Variants in WDR13 observed in about 807,000 individuals in gnomAD.
WDR13 encodes WD repeat-containing protein 13.
WDR13 carries 1 observed loss-of-function variant against 28.6 expected under a neutral mutation model. The ratio of observed to expected loss-of-function variants is 0.03; its 90% CI spans 0.01 to 0.17. The LOEUF (loss-of-function observed/expected upper bound fraction) is 0.17, where lower values mean the gene tolerates loss of function less well. WDR13 is among the 10% of genes least tolerant of loss of function. WDR13 has a pLI of 1.00. For missense variants in WDR13, 264 were observed against 469.3 expected (o/e 0.56, Z 4.04); for synonymous variants, 201 against 185.9 (o/e 1.08, Z -0.66).
intron 2 of WDR13, 65 bp from the exon 3 acceptor site, chrX:48,598,652 C>CA: frequency 1.1e-6 from 1 of 930,115 alleles, no homozygotes; most frequent in Non-Finnish European, 1.4e-6. Context: ...CCGTACCCCC[C>CA]CCCCCGAGCT....
At chrX:48,598,067 C>T in intron 2 of WDR13, 30 bp downstream of exon 2, 1 of 1,161,979 alleles carries the variant, frequency 8.6e-7, no homozygotes, top group South Asian at 1.9e-5. Flanking sequence ...CCCATGGGAG[C>T]AGAACTTACT....
At chrX:48,604,471 A>G in intron 9 of WDR13, 81 bp downstream of exon 9, 1 of 864,272 alleles carries the variant, frequency 1.2e-6, no homozygotes, top group Non-Finnish European at 1.7e-6. Flanking sequence ...CTCAGACATC[A>G]CGACACCGAT....
At chrX:48,598,505 C>T in intron 2 of WDR13, 1 of 1,051,476 alleles carries the variant, frequency 9.5e-7, no homozygotes. Context: ...ACTCTGTTGT[C>T]TGCAAACTGA....
In WDR13 at chrX:48,600,273, C is replaced by T. The variant is rs782089504; in HGVS notation, c.524-46C>T. On this transcript the variant is annotated intron_variant, in intron 5 of 9. Transcript: ENST00000376729. Reference sequence around the variant, plus strand: ...TCAGAGCCTTTTAGAGAGAAAAGTGCCCAGTGAGTGTGCAGATTCCCACTA... The same window carrying T: ...TCAGAGCCTTTTAGAGAGAAAAGTGTCCAGTGAGTGTGCAGATTCCCACTA... 4.4e-6 allele frequency: 5 copies of T among 1,149,099 alleles called. No individual in the cohort carries two copies. The East Asian group carries it at 1.5e-4, about 34-fold the overall frequency. 94.7% of individuals were successfully genotyped at this position (1,149,099 alleles called of 1,213,427 possible). A position where few individuals can be genotyped will look rare whatever the true frequency, so the allele number is the denominator to read the frequency against.
chrX:48,602,262 T>C, intron 8 of WDR13, 56 bp downstream of exon 8: 1 of 1,132,574 alleles, frequency 8.8e-7, no homozygotes, highest in Non-Finnish European at 1.2e-6. Context: ...TCCAGCACAC[T>C]GGGACAGTAG....
chrX:48,598,918 C>T lies in WDR13; in HGVS notation c.243C>T (p.Ser81=). ...GCAGTGCTCGTGCCTATAGCAACAGCATCGTCCGCAGTAGCCGCACTACTC... is the reference window on the plus strand; with the variant it reads ...GCAGTGCTCGTGCCTATAGCAACAGTATCGTCCGCAGTAGCCGCACTACTC... The part of the protein sequence containing the change: ...EPGSARAYSN[S]IVRSSRTTLD... Residue 81 remains serine, a synonymous_variant, in exon 3 of 10, where the codon AGC becomes AGT. Coordinates refer to ENST00000376729, the MANE Select transcript of WDR13 (RefSeq NM_001347217.2). 8.3e-7 allele frequency: 1 copy of T among 1,209,123 alleles called. No individual in the cohort carries two copies. The highest frequency in any genetic ancestry group is 1.1e-6 in the Non-Finnish European group (1 of 894,519).
rs781931108 is a variant in WDR13, at chrX:48,600,374, C to T, written c.579C>T (p.Leu193=). ...DDRHRLACCS[L]DGSISLCQLV... is the part of the protein sequence containing the mutation. ...GACACCGCCTGGCCTGCTGCTCACT[C>T]GACGGCAGCATCTCCCTGTGCCAGC... is the stretch of plus-strand genomic sequence containing the variant. The change falls in exon 6 of 10, where the codon CTC becomes CTT. Residue 193 remains leucine (L), a synonymous_variant. Coordinates refer to ENST00000376729, the MANE Select transcript of WDR13 (RefSeq NM_001347217.2). The T allele has an allele frequency of 1.6e-5, 19 of 1,208,478 alleles. No homozygotes were observed. The highest frequency in any genetic ancestry group is 1.2e-4 in the African/African-American group (7 of 57,629).
chrX:48,603,118 C>T (rs1002180942), intron 8 of WDR13, among the ~76,000 whole-genome samples: 2 of 112,005 alleles, frequency 1.8e-5, no homozygotes, highest in Non-Finnish European at 3.8e-5. Context: ...TGGGCTCATG[C>T]GATTCTCCCA....
rs782302093 is a variant in WDR13 at position 48,601,851 on chromosome X, C to T, written c.899C>T (p.Ser300Phe). The T allele has an allele frequency of 1.2e-5, 15 of 1,205,291 alleles. No individual in the cohort carries two copies. The highest frequency in any genetic ancestry group is 1.7e-5 in the Non-Finnish European group (15 of 891,678). The change falls in exon 7 of 10, where the codon TCC becomes TTC. Residue 300 changes from serine to phenylalanine, a missense_variant. Around this residue, in one of 4 missense-constraint regions of WDR13, gnomAD observed 157 missense variants for 270.2 expected, o/e 0.58. Coordinates refer to ENST00000376729, the MANE Select transcript of WDR13 (RefSeq NM_001347217.2). ...ISTGKKVKGG[S>F]SKLTGRVLAL... ...ACAGGCAAGAAAGTGAAGGGGGGCT[C>T]CAGCAAGCTGACAGGCCGTGTCCTT...
intron 6 of WDR13, 105 bp from the exon 7 acceptor site, chrX:48,601,679 C>CT: frequency 1.2e-6 from 1 of 842,966 alleles, no homozygotes; most frequent in Non-Finnish European, 1.6e-6. Context: ...TGTGAATAGA[C>CT]TCTAATAGGG....
In WDR13 at chrX:48,600,428, C is replaced by A. The variant is rs375330976; in HGVS notation, c.633C>A (p.Arg211=). 1.8e-5 allele frequency: 22 copies of A among 1,211,329 alleles called. No individual in the cohort carries two copies. Among genetic ancestry groups the A allele is most frequent in the African/African-American group, 1.0e-4 (6 of 57,698 alleles). ...QLVPAPPTVL[R]VLRGHTRGVS... is the part of the protein sequence containing the mutation. Reference sequence around the variant, plus strand: ...TGCCTGCCCCACCCACAGTGCTTCGCGTGCTACGGGGCCACACCCGTGGTG... The same window carrying A: ...TGCCTGCCCCACCCACAGTGCTTCGAGTGCTACGGGGCCACACCCGTGGTG... Residue 211 remains arginine (R), a synonymous_variant, in exon 6 of 10, where the codon CGC becomes CGA. Transcript: ENST00000376729.
rs1556995454 is a variant in WDR13, at chrX:48,604,321, G to C, written c.1204G>C (p.Glu402Gln). Residue 402 changes from glutamate to glutamine, a missense_variant, in exon 9 of 10, where the codon GAG (glutamate) becomes CAG (glutamine). By Grantham distance (29) the Glu-to-Gln change is conservative. This residue lies in a region of WDR13 where 157 missense variants were observed against 270.2 expected (regional missense o/e 0.58). Coordinates refer to ENST00000376729, the MANE Select transcript of WDR13 (RefSeq NM_001347217.2). ...TLQLKRSFPI[E>Q]QSSHPVRSIF... ...GCAGCTGAAGAGAAGCTTCCCCATC[G>C]AGCAGAGCTCACATCCTGTGCGCAG... is the stretch of plus-strand genomic sequence containing the variant. The C allele has an allele frequency of 8.3e-7, 1 of 1,211,039 alleles. No individual in the cohort carries two copies. The highest frequency in any genetic ancestry group is 1.8e-5 in the South Asian group (1 of 56,753).
At chrX:48,599,318 C>T (rs2062166110) in intron 3 of WDR13, 35 bp from the exon 4 acceptor site, 1 of 1,090,008 alleles carries the variant, frequency 9.2e-7, no homozygotes, top group Non-Finnish European at 1.2e-6. Flanking sequence ...GGGCTTTTTG[C>T]AAGATGCACC....
In WDR13 at chrX:48,599,646, A is replaced by G. The variant is rs782692777; in HGVS notation, c.452A>G (p.Asp151Gly). 5.8e-6 allele frequency: 7 copies of G among 1,211,646 alleles called. No homozygotes were observed. The Admixed American group carries it at 1.5e-4, about 26-fold the overall frequency. Residue 151 changes from aspartate to glycine, a missense_variant, in exon 5 of 10, where the codon GAC (aspartate) becomes GGC (glycine). By Grantham distance (94) the Asp-to-Gly change is moderately conservative. Transcript: ENST00000376729. ...AAEASRAMAGDTSLSENYAFA... is the reference protein window; with the variant it reads ...AAEASRAMAGGTSLSENYAFA... ...GAGGCAAGTCGGGCCATGGCCGGGGACACGTCACTGAGCGAGAACTATGCC... is the reference window on the plus strand; with the variant it reads ...GAGGCAAGTCGGGCCATGGCCGGGGGCACGTCACTGAGCGAGAACTATGCC...
chrX:48,599,581 G>T lies in WDR13; in HGVS notation c.393-6G>T, dbSNP rs1441573120. 1 of 1,211,679 alleles carries T rather than the reference G, an allele frequency of 8.3e-7. No individual in the cohort carries two copies. Among genetic ancestry groups the T allele is most frequent in the Non-Finnish European group, 1.1e-6 (1 of 895,515 alleles). On this transcript the variant is annotated splice_polypyrimidine_tract_variant and splice_region_variant and intron_variant, in intron 4 of 9. Coordinates refer to ENST00000376729, the MANE Select transcript of WDR13 (RefSeq NM_001347217.2). The stretch of plus-strand genomic sequence containing the variant: ...CTGTCACCCCTCACTTCCTATTGGG[G>T]CCCAGGCCCCCTGGCAGCGTGGTGC...
At chrX:48,598,066 G>A in intron 2 of WDR13, 29 bp downstream of exon 2, 1 of 1,162,574 alleles carries the variant, frequency 8.6e-7, no homozygotes, top group Non-Finnish European at 1.1e-6. Context: ...GCCCATGGGA[G>A]CAGAACTTAC....
intron 8 of WDR13, 31 bp downstream of exon 8, chrX:48,602,237 G>T (rs235841): frequency 7.5e-6 from 9 of 1,193,134 alleles, no homozygotes; most frequent in Admixed American, 4.4e-5. Flanking sequence ...TCCTGGAGAC[G>T]GAGGACCTGC....
chrX:48,603,150 T>C (rs781829346), intron 8 of WDR13, among the ~76,000 whole-genome samples: 1 of 111,994 alleles, frequency 8.9e-6, no homozygotes, highest in Non-Finnish European at 1.9e-5. Flanking sequence ...GTAGCTGAGA[T>C]TACAGGCACA....
In WDR13 at chrX:48,598,950, G is replaced by C; in HGVS notation, c.275G>C (p.Arg92Pro). The C allele has an allele frequency of 1.7e-6, 2 of 1,197,369 alleles. No individual in the cohort carries two copies. Among genetic ancestry groups the C allele is most frequent in the Non-Finnish European group, 2.3e-6 (2 of 887,277 alleles). Residue 92 changes from arginine (R) to proline (P), a missense_variant, in exon 3 of 10, where the codon CGC becomes CCC. Transcript: ENST00000376729. ...IVRSSRTTLD[R>P]MEDFEDDPRA... ...CGCAGTAGCCGCACTACTCTTGACCGCATGGAGGTGAGCTTCTGGCCACAT... is the reference window on the plus strand; with the variant it reads ...CGCAGTAGCCGCACTACTCTTGACCCCATGGAGGTGAGCTTCTGGCCACAT...
Sources: allele counts gnomAD v4.1 joint callset (sites outside exome capture counted in the v4.1 genomes callset), GRCh38; gene constraint gnomAD v4.1.1; regional missense constraint gnomAD v4.1.1; transcripts MANE v1.5; gene names NCBI Gene and HGNC (gene_info 2026-07-23, HGNC 2026-07-21).